The following DCC variants were observed in gnomAD, a reference collection of about 807,000 sequenced individuals.
The protein encoded by DCC is netrin receptor DCC.
In DCC, 58 loss-of-function variants were observed where a neutral mutation model predicts 172.5. The ratio of observed to expected loss-of-function variants is 0.34; its 90% CI spans 0.27 to 0.42. The LOEUF is 0.42. Among genes scored for constraint, DCC ranks in the 10% least tolerant of loss-of-function variants. The pLI is 1.00. For synonymous variants in DCC, 709 were observed against 644.5 expected (o/e 1.10, Z -1.52); for missense variants, 1,740 against 1,791.0 (o/e 0.97, Z 0.51).
Position 53,397,231 on chromosome 18 carries a change from T to C in DCC, c.2689-77T>C. ...ATTACTTTTGTGTTAGCTTATTTAA[T>C]AGTCTTTTTATATGTCTTGATTTAC... On this transcript the variant is annotated intron_variant, in intron 17 of 28. Coordinates refer to ENST00000442544, the MANE Select transcript of DCC (RefSeq NM_005215.4). 6 of 1,361,192 alleles carry C rather than the reference T, an allele frequency of 4.4e-6. No individual in the cohort carries two copies. The South Asian group carries it at 7.0e-5, about 16-fold the overall frequency. The allele number at this position is 1,361,192 out of a possible 1,614,324, so 84.3% of individuals were successfully genotyped here. A position where few individuals can be genotyped will look rare whatever the true frequency, so the allele number is the denominator to read the frequency against.
intron 5 of DCC, among the ~76,000 whole-genome samples, chr18:53,013,507 A>G (rs1250250229): frequency 2.6e-5 from 4 of 152,036 alleles, no homozygotes; most frequent in African/African-American, 7.2e-5. Context: ...GAACACATGG[A>G]CAAAGGGGAA....
At chr18:53,260,571 C>G (rs1161962756) in intron 12 of DCC, among the ~76,000 whole-genome samples, 1 of 152,096 alleles carries the variant, frequency 6.6e-6, no homozygotes, top group Non-Finnish European at 1.5e-5. Context: ...GAAGTTTTGT[C>G]TCGGAGGAGT....
chr18:52,863,725 TTTAA>T (rs1173416612), intron 2 of DCC, among the ~76,000 whole-genome samples: 4 of 151,934 alleles, frequency 2.6e-5, no homozygotes, highest in Non-Finnish European at 4.4e-5. Flanking sequence ...TTTACAGCTA[TTTAA>T]TCTATTTTTA....
intron 5 of DCC, among the ~76,000 whole-genome samples, chr18:53,045,117 GC>G (rs1426731555): frequency 6.6e-6 from 1 of 151,882 alleles, no homozygotes; most frequent in Non-Finnish European, 1.5e-5. Context: ...TGGATTATAA[GC>G]TTTCTAACAA....
chr18:52,577,523 C>A lies in DCC; in HGVS notation c.92-174531C>A, dbSNP rs17828443. 4.0e-3 allele frequency among the ~76,000 whole-genome samples: 609 copies of A among 152,278 alleles called. 18 individuals carry two copies. In the East Asian group the frequency reaches 0.078, roughly 19 times the overall value. Reference sequence around the variant, plus strand: ...AGTTGAATTCTTAAGTTGATGGTTCCATAGTTATTTTTAACTGTCATATAA... The same window carrying A: ...AGTTGAATTCTTAAGTTGATGGTTCAATAGTTATTTTTAACTGTCATATAA... On this transcript the variant is annotated intron_variant, in intron 1 of 28. Coordinates refer to ENST00000442544, the MANE Select transcript of DCC (RefSeq NM_005215.4).
chr18:53,446,141 A>G, intron 22 of DCC, among the ~76,000 whole-genome samples: 1 of 150,194 alleles, frequency 6.7e-6, no homozygotes, highest in Non-Finnish European at 1.5e-5. Context: ...AAAATTTTCC[A>G]GGGATGGTGG....
chr18:53,040,416 G>T (rs958253843), intron 5 of DCC, among the ~76,000 whole-genome samples: 2 of 151,914 alleles, frequency 1.3e-5, no homozygotes, highest in Admixed American at 6.6e-5. Flanking sequence ...AAACCGAAAA[G>T]CATATGGAAG....
intron 1 of DCC, among the ~76,000 whole-genome samples, chr18:52,706,851 G>A (rs969940596): frequency 6.6e-6 from 1 of 152,164 alleles, no homozygotes; most frequent in Non-Finnish European, 1.5e-5. Flanking sequence ...ATAAGAGCAA[G>A]GTGTCCTGAG....
intron 7 of DCC, among the ~76,000 whole-genome samples, chr18:53,079,875 G>A (rs1307040208): frequency 6.6e-6 from 1 of 152,110 alleles, no homozygotes; most frequent in Non-Finnish European, 1.5e-5. Context: ...AATTATGTGT[G>A]GTTCTGTAAG....
intron 7 of DCC, among the ~76,000 whole-genome samples, chr18:53,120,380 C>T (rs773621507): frequency 6.6e-6 from 1 of 151,394 alleles, no homozygotes; most frequent in African/African-American, 2.4e-5. Flanking sequence ...ATATATTAGA[C>T]AATTTGTAAT....
intron 1 of DCC, among the ~76,000 whole-genome samples, chr18:52,458,737 C>A (rs149849675): frequency 1.6e-3 from 242 of 152,234 alleles, no homozygotes; most frequent in African/African-American, 5.7e-3. Flanking sequence ...CCTCTACTCA[C>A]TATTTAATCT....
intron 7 of DCC, among the ~76,000 whole-genome samples, chr18:53,156,568 C>A (rs944620081): frequency 6.6e-6 from 1 of 151,016 alleles, no homozygotes; most frequent in African/African-American, 2.4e-5. Context: ...TTTTCTTTGT[C>A]AGAAATCATG....
chr18:52,631,336 A>G (rs925424361), intron 1 of DCC, among the ~76,000 whole-genome samples: 1 of 152,240 alleles, frequency 6.6e-6, no homozygotes, highest in South Asian at 2.1e-4. Flanking sequence ...GCTTAGAGGA[A>G]AGATGCATGA....
rs555405859 is a variant in DCC, at chr18:53,415,974, A to G, written c.3131-150A>G. 5.7e-4 allele frequency: 389 copies of G among 687,028 alleles called. 4 individuals are homozygous for G. The South Asian group carries it at 6.0e-3, about 11-fold the overall frequency. 42.6% of individuals were successfully genotyped at this position (687,028 alleles called of 1,614,324 possible). A position where few individuals can be genotyped will look rare whatever the true frequency, so the allele number is the denominator to read the frequency against. On this transcript the variant is annotated intron_variant, in intron 20 of 28. Coordinates refer to ENST00000442544, the MANE Select transcript of DCC (RefSeq NM_005215.4). ...CTGAATACTTATTTAATAGAAATAA[A>G]CATGTAAGTTTGGGTCCTTATCAAT...
intron 2 of DCC, among the ~76,000 whole-genome samples, chr18:52,804,408 T>G (rs35133008): frequency 0.055 from 8,421 of 152,282 alleles, 310 homozygotes; most frequent in Middle Eastern, 0.099. Flanking sequence ...TAAATAAAAC[T>G]TCAACTTATG....
Position 53,402,840 on chromosome 18 carries a change from G to A in DCC, c.2882G>A (p.Arg961His), listed in dbSNP as rs776722332. ...GTCATTACTAGGGAAGGGAAGCCTC[G>A]TGCCGTCATTGTGAGTTGGCAGCCT... is the stretch of plus-strand genomic sequence containing the variant. Reference protein sequence around the residue: ...LTVITREGKPRAVIVSWQPPL... With the variant: ...LTVITREGKPHAVIVSWQPPL... Residue 961 changes from arginine (R) to histidine (H), a missense_variant, in exon 19 of 29, where the codon CGT becomes CAT. Around this residue, in one of 2 missense-constraint regions of DCC, gnomAD observed 1,732 missense variants for 1,767.4 expected, o/e 0.98. Coordinates refer to ENST00000442544, the MANE Select transcript of DCC (RefSeq NM_005215.4). 9.9e-6 allele frequency: 16 copies of A among 1,613,918 alleles called. No individual in the cohort carries two copies. Among genetic ancestry groups the A allele is most frequent in the African/African-American group, 2.7e-5 (2 of 74,880 alleles).
chr18:53,104,592 G>A (rs540364509), intron 7 of DCC, among the ~76,000 whole-genome samples: 1 of 152,068 alleles, frequency 6.6e-6, no homozygotes, highest in African/African-American at 2.4e-5. Context: ...AATACACCTA[G>A]CTATTTGATT....
chr18:53,423,438 C>A (rs1187306466), intron 21 of DCC, among the ~76,000 whole-genome samples: 4 of 152,072 alleles, frequency 2.6e-5, no homozygotes, highest in Non-Finnish European at 4.4e-5. Flanking sequence ...ACGTCTCTTT[C>A]CTGGTGTCAT....
chr18:52,734,612 G>T (rs1260179313), intron 1 of DCC, among the ~76,000 whole-genome samples: 1 of 152,048 alleles, frequency 6.6e-6, no homozygotes, highest in East Asian at 1.9e-4. Context: ...CATAAGTAAG[G>T]TTTGAGGCCT....
Sources: gnomAD v4.1 joint callset for allele counts (sites outside exome capture counted in the v4.1 genomes callset) on GRCh38, gnomAD v4.1.1 for gene constraint, gnomAD v4.1.1 regional missense constraint, MANE v1.5 for transcripts, NCBI Gene and HGNC (gene_info 2026-07-23, HGNC 2026-07-21) for gene names.